Variants in SZT2 observed in about 807,000 individuals in gnomAD.
SZT2 encodes the protein KICSTOR complex protein SZT2.
Under a neutral mutation model 404.2 loss-of-function variants are expected in SZT2, and 216 were observed. The ratio of observed to expected loss-of-function variants is 0.53; its 90% CI spans 0.48 to 0.60. The LOEUF (loss-of-function observed/expected upper bound fraction) is 0.60, where lower values mean the gene tolerates loss of function less well. Ranked by LOEUF, SZT2 falls within the 20% of genes least tolerant of loss-of-function variation. SZT2 has a pLI of 0.00. For missense variants in SZT2, 3,857 were observed against 4,459.2 expected (o/e 0.86, Z 3.85); for synonymous variants, 1,693 against 1,749.9 (o/e 0.97, Z 0.81).
intron 12 of SZT2, 95 bp downstream of exon 12, chr1:43,422,320 C>T: frequency 6.7e-7 from 1 of 1,494,254 alleles, no homozygotes; most frequent in Non-Finnish European, 8.9e-7. Context: ...TGAGCTCTTA[C>T]CAACTGTGGC....
At position 43,425,769 on chromosome 1, in the gene SZT2, A is replaced by T. The variant is rs1653069618; in HGVS notation, c.2815-66A>T. 1 of 1,593,290 alleles carries T rather than the reference A, an allele frequency of 6.3e-7. No individual in the cohort carries two copies. Among genetic ancestry groups the T allele is most frequent in the East Asian group, 2.2e-5 (1 of 44,564 alleles). ...CTGGGACTGTTGAAGCTTCCTGAAG[A>T]GCTGGAACCCAGGGTATCCTGGGCT... On this transcript the variant is annotated intron_variant, in intron 19 of 71. Transcript: ENST00000634258. The surrounding 1 kb of genome is among the most constrained non-coding windows in gnomAD (Gnocchi z 4.3).
chr1:43,433,073 C>T lies in SZT2; in HGVS notation c.5687C>T (p.Pro1896Leu), dbSNP rs898518962. The part of the protein sequence containing the change: ...GEKAPFTLRT[P>L]PGPAPPQPSL... ...AAGGCCCCCTTCACATTGCGGACTCCACCTGGGCCAGCACCTCCACAGCCT... is the reference window on the plus strand; with the variant it reads ...AAGGCCCCCTTCACATTGCGGACTCTACCTGGGCCAGCACCTCCACAGCCT... The change falls in exon 40 of 72, where the codon CCA becomes CTA. Residue 1896 changes from proline to leucine, a missense_variant. Coordinates refer to ENST00000634258, the MANE Select transcript of SZT2 (RefSeq NM_001365999.1). 11 of 1,614,008 alleles carry T rather than the reference C, an allele frequency of 6.8e-6. No homozygotes were observed. Among genetic ancestry groups the T allele is most frequent in the Non-Finnish European group, 9.3e-6 (11 of 1,180,036 alleles).
intron 4 of SZT2, among the ~76,000 whole-genome samples, chr1:43,413,821 G>A (rs115595616): frequency 0.015 from 2,333 of 152,298 alleles, 28 homozygotes; most frequent in Non-Finnish European, 0.024. Flanking sequence ...GCTGGGGGAG[G>A]TGGAAGGGGA....
At chr1:43,412,260 A>G (rs1168614522) in intron 4 of SZT2, 2 of 152,276 alleles carry the variant, frequency 1.3e-5, no homozygotes, top group African/African-American at 2.4e-5. Flanking sequence ...GATTGTAAAG[A>G]GATCAACAGC....
Position 43,422,493 on chromosome 1 carries a change from C to A in SZT2, c.1783C>A (p.His595Asn). ...ILEHDTPIPK[H>N]LHTPGSNGRY... ...CCCTCTTCCTAGACCAATCCCCAAG[C>A]ACTTGCACACCCCGGGCAGCAATGG... is the stretch of plus-strand genomic sequence containing the variant. Residue 595 changes from histidine (H) to asparagine (N), a missense_variant, in exon 13 of 72, where the codon CAC becomes AAC. Physicochemically the swap from His to Asn is moderately conservative, Grantham distance 68. Transcript: ENST00000634258. The A allele has an allele frequency of 6.3e-7, 1 of 1,589,998 alleles. No homozygotes were observed. Among genetic ancestry groups the A allele is most frequent in the Non-Finnish European group, 8.5e-7 (1 of 1,175,400 alleles).
chr1:43,433,354 A>G (rs916412653), intron 40 of SZT2, among the ~76,000 whole-genome samples, 164 bp downstream of exon 40: 2 of 152,216 alleles, frequency 1.3e-5, no homozygotes, highest in Non-Finnish European at 1.5e-5. Context: ...CACTTCCCAC[A>G]TCTTACAGCT....
intron 36 of SZT2, 97 bp downstream of exon 36, chr1:43,431,998 A>T (rs535083944): frequency 1.4e-6 from 2 of 1,428,260 alleles, no homozygotes; most frequent in Non-Finnish European, 1.9e-6. Context: ...GTTCGAACTC[A>T]TAGAGTTATC....
chr1:43,446,308 C>G, intron 64 of SZT2, 34 bp from the exon 65 acceptor site: 1 of 1,614,164 alleles, frequency 6.2e-7, no homozygotes, highest in Non-Finnish European at 8.5e-7. Flanking sequence ...ACCTGTCTCT[C>G]GCCTTCCTGA....
chr1:43,401,206 T>G (rs1194066767), intron 1 of SZT2, among the ~76,000 whole-genome samples: 1 of 152,216 alleles, frequency 6.6e-6, no homozygotes, highest in East Asian at 1.9e-4. Context: ...GTTATAGGCT[T>G]GAACCGTTAT....
Position 43,450,140 on chromosome 1 carries a change from T to C in SZT2, c.10124T>C (p.Leu3375Pro). Residue 3375 changes from leucine to proline, a missense_variant, in exon 71 of 72, where the codon CTA becomes CCA. By Grantham distance (98) the Leu-to-Pro change is moderately conservative. Around this residue, in one of 7 missense-constraint regions of SZT2, gnomAD observed 717 missense variants for 868.2 expected, o/e 0.83. Coordinates refer to ENST00000634258, the MANE Select transcript of SZT2 (RefSeq NM_001365999.1). The surrounding 1 kb of genome is among the most constrained non-coding windows in gnomAD (Gnocchi z 4.3). ...LNQKFTDCFVLVFLDSHLGKT... is the reference protein window; with the variant it reads ...LNQKFTDCFVPVFLDSHLGKT... Reference sequence around the variant, plus strand: ...CAGAAGTTCACTGACTGCTTTGTGCTAGTGTTTCTGGACTCCCACTTAGGA... The same window carrying C: ...CAGAAGTTCACTGACTGCTTTGTGCCAGTGTTTCTGGACTCCCACTTAGGA... 1 of 1,614,132 alleles carries C rather than the reference T, an allele frequency of 6.2e-7. No homozygotes were observed. Among genetic ancestry groups the C allele is most frequent in the Non-Finnish European group, 8.5e-7 (1 of 1,179,988 alleles).
intron 5 of SZT2, 124 bp downstream of exon 5, chr1:43,415,337 A>G (rs1417874749): frequency 1.7e-6 from 2 of 1,192,522 alleles, no homozygotes; most frequent in African/African-American, 3.0e-5. Flanking sequence ...AAATGAGACA[A>G]GGATAGGCAT....
At chr1:43,403,455 T>A in intron 2 of SZT2, 146 bp from the exon 3 acceptor site, 1 of 1,403,490 alleles carries the variant, frequency 7.1e-7, no homozygotes, top group South Asian at 1.4e-5. Flanking sequence ...TAAAAAATAA[T>A]TTTTCCAGAG....
At position 43,452,163 on chromosome 1, in the gene SZT2, C is replaced by T; in HGVS notation, c.*1683C>T. The T allele has an allele frequency of 6.4e-7, 1 of 1,551,266 alleles. No homozygotes were observed. The highest frequency in any genetic ancestry group is 1.1e-5 in the South Asian group (1 of 88,094). ...CTGTGCACCCCCTTCTCCGCACACC[C>T]ACAGAGACATGTAAGTACGTGTGTG... On this transcript the variant is annotated 3_prime_UTR_variant, in exon 72 of 72. Transcript: ENST00000634258.
intron 42 of SZT2, chr1:43,436,103 C>G (rs1207995227): frequency 6.6e-6 from 1 of 152,212 alleles, no homozygotes; most frequent in Non-Finnish European, 1.5e-5. Context: ...ACACTTCTCC[C>G]TTCTCTTACT....
At position 43,442,190 on chromosome 1, in the gene SZT2, C is replaced by T; in HGVS notation, c.7873+60C>T. ...AGGCTAAGAGTAACTGGTGGGGTCT[C>T]CAACCTTGCAGAGGGGAGGGTGGGA... On this transcript the variant is annotated intron_variant, in intron 56 of 71. Transcript: ENST00000634258. The surrounding 1 kb of genome is among the most constrained non-coding windows in gnomAD (Gnocchi z 4.5). 2 of 1,601,420 alleles carry T rather than the reference C, an allele frequency of 1.2e-6. No homozygotes were observed. The highest frequency in any genetic ancestry group is 3.3e-4 in the Middle Eastern group (2 of 5,994).
At position 43,443,689 on chromosome 1, in the gene SZT2, G is replaced by A; in HGVS notation, c.8718G>A (p.Glu2906=). 1.9e-6 allele frequency: 3 copies of A among 1,614,250 alleles called. No individual in the cohort carries two copies. Among genetic ancestry groups the A allele is most frequent in the South Asian group, 1.1e-5 (1 of 91,084 alleles). ...TGTCGCCCCCGGGAGCCCGTGAGGA[G>A]CCTTGGCTGAAGGAGCTGAGCTTGG... The part of the protein sequence containing the change: ...LDVSPPGARE[E]PWLKELSLAF... Residue 2906 remains glutamate (E), a synonymous_variant, in exon 62 of 72, where the codon GAG becomes GAA. Transcript: ENST00000634258.
intron 7 of SZT2, among the ~76,000 whole-genome samples, chr1:43,417,910 G>A (rs561982447): frequency 2.6e-5 from 4 of 152,292 alleles, no homozygotes; most frequent in Non-Finnish European, 5.9e-5. Flanking sequence ...AATCAGCCAG[G>A]AACCAGAAGA....
intron 1 of SZT2, among the ~76,000 whole-genome samples, chr1:43,402,538 T>C (rs1649801958): frequency 6.6e-6 from 1 of 152,194 alleles, no homozygotes; most frequent in Non-Finnish European, 1.5e-5. Context: ...CAGATAAGAT[T>C]TGACAGGACA....
chr1:43,420,646 C>G lies in SZT2; in HGVS notation c.1262-103C>G. 8.7e-7 allele frequency: 1 copy of G among 1,150,614 alleles called. No homozygotes were observed. Among genetic ancestry groups the G allele is most frequent in the Non-Finnish European group, 1.2e-6 (1 of 817,712 alleles). 71.3% of individuals were successfully genotyped at this position (1,150,614 alleles called of 1,614,324 possible). ...GTGGAACCATGCTTGGAACCTTTGG[C>G]AGGACTGGGTTCCATGAGGTAGGTG... On this transcript the variant is annotated intron_variant, in intron 9 of 71. Coordinates refer to ENST00000634258, the MANE Select transcript of SZT2 (RefSeq NM_001365999.1). The surrounding 1 kb of genome is among the most constrained non-coding windows in gnomAD (Gnocchi z 5.1).
Sources: gnomAD v4.1 joint callset for allele counts (sites outside exome capture counted in the v4.1 genomes callset) on GRCh38, gnomAD v4.1.1 for gene constraint, gnomAD v4.1.1 regional missense constraint, Gnocchi (gnomAD v3.1) non-coding constraint, MANE v1.5 for transcripts, NCBI Gene and HGNC (gene_info 2026-07-23, HGNC 2026-07-21) for gene names.